ANKRD62: variants seen among roughly 807,000 people sequenced by gnomAD.
ANKRD62 encodes ankyrin repeat domain-containing protein 62.
In ANKRD62, 61 loss-of-function variants were observed where a neutral mutation model predicts 98.8. The ratio of observed to expected loss-of-function variants is 0.62; its 90% CI spans 0.50 to 0.76. ANKRD62 has a LOEUF of 0.76. Ranked by LOEUF, ANKRD62 falls within the 30% of genes least tolerant of loss-of-function variation. The probability of loss-of-function intolerance (pLI) is 0.00; values close to 1 mark genes in which losing one functional copy is unlikely to be tolerated. For missense variants in ANKRD62, 933 were observed against 1,082.9 expected (o/e 0.86, Z 1.94); for synonymous variants, 341 against 367.9 (o/e 0.93, Z 0.84).
downstream of ANKRD62, among the ~76,000 whole-genome samples, chr18:12,134,406 G>A (rs1309332282): frequency 2.6e-5 from 4 of 151,926 alleles, no homozygotes; most frequent in Non-Finnish European, 4.4e-5. Context: ...TTAAGTTTTA[G>A]GGTACATGTG....
intron 8 of ANKRD62, among the ~76,000 whole-genome samples, chr18:12,111,750 C>T (rs1284648590): frequency 6.6e-6 from 1 of 152,092 alleles, no homozygotes. Flanking sequence ...GTACCATTCC[C>T]ATAGACCAAC....
chr18:12,119,739 C>T (rs1909745102), intron 10 of ANKRD62, among the ~76,000 whole-genome samples: 1 of 151,816 alleles, frequency 6.6e-6, no homozygotes, highest in South Asian at 2.1e-4. Context: ...GGATTTAATT[C>T]TCTTATTTTA....
At chr18:12,158,548 C>T in the ANKRD62 span, among the ~76,000 whole-genome samples, 43 of 151,048 alleles carry the variant, frequency 2.8e-4, no homozygotes, top group South Asian at 2.1e-3. Flanking sequence ...TTTTTTGAGA[C>T]GGAGTCTCGC....
At chr18:12,172,460 T>C in the ANKRD62 span, among the ~76,000 whole-genome samples, 1 of 149,590 alleles carries the variant, frequency 6.7e-6, no homozygotes, top group Non-Finnish European at 1.5e-5. Context: ...AGAACAGCAA[T>C]GTTGCTTCCT....
At chr18:12,138,049 G>C in the ANKRD62 span, among the ~76,000 whole-genome samples, 1 of 152,052 alleles carries the variant, frequency 6.6e-6, no homozygotes, top group Admixed American at 6.5e-5. Flanking sequence ...ATCTCCTTCA[G>C]TTCTGCTCTG....
At chr18:12,154,049 A>G in the ANKRD62 span, among the ~76,000 whole-genome samples, 1 of 152,216 alleles carries the variant, frequency 6.6e-6, no homozygotes, top group Admixed American at 6.5e-5. Flanking sequence ...GGAATGGCCA[A>G]AGATTTTATG....
chr18:12,119,863 T>A (rs567069547), intron 10 of ANKRD62, among the ~76,000 whole-genome samples: 2 of 152,286 alleles, frequency 1.3e-5, no homozygotes, highest in Admixed American at 1.3e-4. Context: ...AGTGCAGTTG[T>A]TGCTGCATTC....
chr18:12,160,298 G>A, the ANKRD62 span, among the ~76,000 whole-genome samples: 31,657 of 152,130 alleles, frequency 0.21, 4,257 homozygotes, highest in East Asian at 0.54. Flanking sequence ...ATGTGTGTGT[G>A]TGCATGTACA....
chr18:12,117,052 A>G (rs1489856740), intron 10 of ANKRD62, among the ~76,000 whole-genome samples: 1 of 152,180 alleles, frequency 6.6e-6, no homozygotes, highest in Non-Finnish European at 1.5e-5. Context: ...ATTGTTTATC[A>G]CGAGGGTATG....
chr18:12,107,198 C>A, intron 7 of ANKRD62, 97 bp from the exon 8 acceptor site: 1 of 626,872 alleles, frequency 1.6e-6, no homozygotes. Context: ...ACTAATATGA[C>A]AGACTGAGTC....
At chr18:12,117,004 G>C (rs576419050) in intron 10 of ANKRD62, among the ~76,000 whole-genome samples, 1 of 152,156 alleles carries the variant, frequency 6.6e-6, no homozygotes, top group South Asian at 2.1e-4. Context: ...TTCAGTTTTT[G>C]ATGTAGTTGT....
chr18:12,111,596 T>G (rs1164300552), intron 8 of ANKRD62, among the ~76,000 whole-genome samples: 1 of 152,076 alleles, frequency 6.6e-6, no homozygotes, highest in East Asian at 1.9e-4. Flanking sequence ...GGCATCCAAG[T>G]AGGAAGAGAG....
chr18:12,134,200 G>C (rs1910045534), downstream of ANKRD62, among the ~76,000 whole-genome samples: 1 of 152,136 alleles, frequency 6.6e-6, no homozygotes, highest in South Asian at 2.1e-4. Flanking sequence ...TTAATAAATG[G>C]CATAAGATAC....
chr18:12,111,876 G>T (rs886401292), intron 8 of ANKRD62, among the ~76,000 whole-genome samples: 2 of 152,158 alleles, frequency 1.3e-5, no homozygotes, highest in Admixed American at 1.3e-4. Flanking sequence ...TCTACAAGGA[G>T]AACTACAAAA....
chr18:12,155,769 GC>G, the ANKRD62 span, among the ~76,000 whole-genome samples: 2 of 152,112 alleles, frequency 1.3e-5, no homozygotes, highest in African/African-American at 4.8e-5. Flanking sequence ...GCAGAACCTA[GC>G]TGGCCACTTC....
chr18:12,125,228 C>CTTTT (rs902046668), intron 12 of ANKRD62, among the ~76,000 whole-genome samples: 2 of 150,272 alleles, frequency 1.3e-5, no homozygotes, highest in Non-Finnish European at 3.0e-5. Flanking sequence ...CTAGTGGTTT[C>CTTTT]TTTTTTTTTG....
chr18:12,156,231 G>C, the ANKRD62 span, among the ~76,000 whole-genome samples: 11 of 152,152 alleles, frequency 7.2e-5, no homozygotes, highest in Non-Finnish European at 1.5e-4. Context: ...GCAGTTTGCA[G>C]AACCATAAAC....
chr18:12,130,673 CT>C (rs58637656), downstream of ANKRD62, among the ~76,000 whole-genome samples: 88,038 of 145,592 alleles, frequency 0.6, 26,433 homozygotes, highest in Middle Eastern at 0.74. Context: ...CAATGTTTTA[CT>C]TTTTTTTTTT....
At chr18:12,141,014 T>A in the ANKRD62 span, among the ~76,000 whole-genome samples, 1 of 152,240 alleles carries the variant, frequency 6.6e-6, no homozygotes, top group Non-Finnish European at 1.5e-5. Context: ...AGTTCGAGCT[T>A]CCTGGCTGCT....
Sources: allele counts gnomAD v4.1 joint callset (sites outside exome capture counted in the v4.1 genomes callset), GRCh38; gene constraint gnomAD v4.1.1; transcripts MANE v1.5; gene names NCBI Gene and HGNC (gene_info 2026-07-23, HGNC 2026-07-21).